LYPD4: variants seen among roughly 807,000 people sequenced by gnomAD.
The protein encoded by LYPD4 is ly6/PLAUR domain-containing protein 4.
Under a neutral mutation model 18.2 loss-of-function variants are expected in LYPD4, and 20 were observed. The ratio of observed to expected loss-of-function variants is 1.10; its 90% CI spans 0.77 to 1.59. The LOEUF (loss-of-function observed/expected upper bound fraction) is 1.59, where lower values mean the gene tolerates loss of function less well. Ranked by LOEUF, LYPD4 falls within the 40% of genes most tolerant of loss-of-function variation. The probability of loss-of-function intolerance (pLI) is 0.00; values close to 1 mark genes in which losing one functional copy is unlikely to be tolerated. For synonymous variants in LYPD4, 111 were observed against 118.3 expected, an observed-to-expected ratio of 0.94 and a Z score of 0.40; for missense variants, 278 against 300.3, an observed-to-expected ratio of 0.93 and a Z score of 0.55.
At chr19:41,836,952 TG>T, downstream of LYPD4, 1 of 1,104,720 alleles carries the variant, frequency 9.1e-7, no homozygotes, top group Non-Finnish European at 1.2e-6. Flanking sequence ...CTCCCCCAGT[TG>T]CTGGGCAGGA....
intron 1 of LYPD4, among the ~76,000 whole-genome samples, chr19:41,839,985 G>C (rs1285142697): frequency 1.3e-5 from 2 of 151,614 alleles, no homozygotes; most frequent in African/African-American, 4.9e-5. Context: ...GGAGGCGGAG[G>C]TTGCAGTGAA....
chr19:41,836,743 GAA>G (rs79552823), downstream of LYPD4, among the ~76,000 whole-genome samples: 1 of 131,082 alleles, frequency 7.6e-6, no homozygotes. Context: ...TCAAAAAAAG[GAA>G]AAAAAAAAAA....
downstream of LYPD4, among the ~76,000 whole-genome samples, chr19:41,836,284 T>G (rs1403276734): frequency 3.7e-5 from 1 of 26,934 alleles, no homozygotes. Context: ...TTTGCCAACT[T>G]ACCAAAAAAA....
At chr19:41,841,030 T>C (rs1473065182) in intron 1 of LYPD4, among the ~76,000 whole-genome samples, 5 of 151,926 alleles carry the variant, frequency 3.3e-5, no homozygotes, top group African/African-American at 1.2e-4. Context: ...AGAATGGAAA[T>C]AAGGATGATA....
intron 1 of LYPD4, among the ~76,000 whole-genome samples, chr19:41,843,296 T>C (rs2073708599): frequency 6.6e-6 from 1 of 152,042 alleles, no homozygotes; most frequent in Admixed American, 6.6e-5. Flanking sequence ...AGCTGTCCAA[T>C]TTGTTGAACT....
downstream of LYPD4, chr19:41,837,022 C>T (rs2073386798): frequency 6.7e-7 from 1 of 1,502,574 alleles, no homozygotes; most frequent in Non-Finnish European, 8.9e-7. Flanking sequence ...CATGCTTGGC[C>T]TTCCTCACAC....
In LYPD4 at chr19:41,839,433, T is replaced by C; in HGVS notation, c.-120-28A>G. ...GGAGCAGAAAGTTGATTGCATCAGC[T>C]TCTAGGACATAGGCTCCCTCAGACC... On this transcript the variant is annotated intron_variant, in intron 1 of 4. Transcript: ENST00000609812. 9 of 728,178 alleles carry C rather than the reference T, an allele frequency of 1.2e-5. 1 individual carries two copies. The South Asian group carries it at 1.6e-4, about 13-fold the overall frequency. 45.1% of individuals were successfully genotyped at this position (728,178 alleles called of 1,614,324 possible). A position where few individuals can be genotyped will look rare whatever the true frequency, so the allele number is the denominator to read the frequency against.
intron 1 of LYPD4, among the ~76,000 whole-genome samples, chr19:41,840,673 C>CA (rs1213994199): frequency 6.6e-6 from 1 of 150,926 alleles, no homozygotes; most frequent in Non-Finnish European, 1.5e-5. Context: ...TCTAAAAACA[C>CA]AAAAAAATTA....
chr19:41,836,212 C>T (rs1418204245), downstream of LYPD4, among the ~76,000 whole-genome samples: 1 of 140,452 alleles, frequency 7.1e-6, no homozygotes, highest in Non-Finnish European at 1.5e-5. Context: ...TCCTAGGAAC[C>T]CAGAACCAAA....
chr19:41,836,327 A>AAAAAAAAAAAG (rs2073373758), downstream of LYPD4, among the ~76,000 whole-genome samples: 1 of 131,548 alleles, frequency 7.6e-6, no homozygotes, highest in African/African-American at 2.9e-5. Context: ...AAAAAAAAAA[A>AAAAAAAAAAAG]CAACTACTGA....
chr19:41,839,570 C>A, intron 1 of LYPD4, 165 bp from the exon 2 acceptor site: 1 of 476,702 alleles, frequency 2.1e-6, no homozygotes, highest in Non-Finnish European at 3.8e-6. Context: ...TAGGTCCTCC[C>A]ATTGGACAAG....
At chr19:41,839,196 G>A in intron 2 of LYPD4, 23 bp downstream of exon 2, 3 of 1,613,998 alleles carry the variant, frequency 1.9e-6, no homozygotes, top group Admixed American at 1.7e-5. Flanking sequence ...GGGTCTTATA[G>A]CATCCAGCCC....
At chr19:41,836,324 A>C (rs1486205757), downstream of LYPD4, among the ~76,000 whole-genome samples, 1 of 137,436 alleles carries the variant, frequency 7.3e-6, no homozygotes, top group Non-Finnish European at 1.6e-5. Flanking sequence ...AAAAAAAAAA[A>C]AAACAACTAC....
chr19:41,839,063 A>G (rs2073484973), intron 2 of LYPD4, 39 bp from the exon 3 acceptor site: 2 of 1,611,752 alleles, frequency 1.2e-6, no homozygotes, highest in Admixed American at 1.7e-5. Flanking sequence ...GGCCCCTCAT[A>G]TCATCTTCTG....
At chr19:41,835,889 C>A (rs2073364993), downstream of LYPD4, 2 of 933,678 alleles carry the variant, frequency 2.1e-6, no homozygotes, top group African/African-American at 3.6e-5. Flanking sequence ...GAAGTGATGA[C>A]ATCTATTTAA....
At chr19:41,836,823 G>A (rs2073381889), downstream of LYPD4, among the ~76,000 whole-genome samples, 1 of 152,062 alleles carries the variant, frequency 6.6e-6, no homozygotes, top group Non-Finnish European at 1.5e-5. Flanking sequence ...AGGAAACTGA[G>A]GCCCATAAAA....
rs1266475258 is a variant in LYPD4 at position 41,843,976 on chromosome 19, GACAA to G, written c.-523_-520del. The G allele has an allele frequency of 5.1e-5, 6 of 117,536 alleles. No individual in the cohort carries two copies. Among genetic ancestry groups the G allele is most frequent in the Admixed American group, 3.7e-4 (4 of 10,830 alleles). The allele number at this position is 117,536 out of a possible 1,614,324, so 7.3% of individuals were successfully genotyped here. A position where few individuals can be genotyped will look rare whatever the true frequency, so the allele number is the denominator to read the frequency against. ...CAGAGGGGATGCCACCCCTACAAAA[GACAA>G]ACAAATTGATGGAATGGAACCTTGC... On this transcript the variant is annotated 5_prime_UTR_variant, in exon 1 of 5. Coordinates refer to ENST00000609812, the MANE Select transcript of LYPD4 (RefSeq NM_173506.7).
In LYPD4 at chr19:41,837,415, G is replaced by A. The variant is rs568500728; in HGVS notation, c.539-70C>T. ...AGAGCCCTGCCTTCAGCCAGGTGCA[G>A]TGGCTCACACCTGTAATCCCAGCAC... On this transcript the variant is annotated intron_variant, in intron 4 of 4. Coordinates refer to ENST00000609812, the MANE Select transcript of LYPD4 (RefSeq NM_173506.7). 3 of 1,532,362 alleles carry A rather than the reference G, an allele frequency of 2.0e-6. No homozygotes were observed. In the South Asian group the frequency reaches 3.4e-5, roughly 17 times the overall value. The allele number at this position is 1,532,362 out of a possible 1,614,324, so 94.9% of individuals were successfully genotyped here. A position where few individuals can be genotyped will look rare whatever the true frequency, so the allele number is the denominator to read the frequency against.
chr19:41,835,935 G>C, downstream of LYPD4: 3 of 593,452 alleles, frequency 5.1e-6, no homozygotes, highest in Non-Finnish European at 6.4e-6. Flanking sequence ...GTAATGCACA[G>C]AAAATGCCTA....
Sources: gnomAD v4.1 joint callset for allele counts (sites outside exome capture counted in the v4.1 genomes callset) on GRCh38, gnomAD v4.1.1 for gene constraint, MANE v1.5 for transcripts, NCBI Gene and HGNC (gene_info 2026-07-23, HGNC 2026-07-21) for gene names.